The following MARCO variants were observed in gnomAD, a reference collection of about 807,000 sequenced individuals.
MARCO encodes macrophage receptor MARCO.
Under a neutral mutation model 70.0 loss-of-function variants are expected in MARCO, and 72 were observed. The observed-to-expected ratio is 1.03, with a 90% CI of 0.85 to 1.25. The LOEUF is 1.25. MARCO is among the 50% of genes most tolerant of loss of function. MARCO has a pLI of 0.00. For missense variants in MARCO, 696 were observed against 659.3 expected, an observed-to-expected ratio of 1.06 and a Z score of -0.61; for synonymous variants, 273 against 243.1, an observed-to-expected ratio of 1.12 and a Z score of -1.14.
chr2:118,977,592 C>A (rs1680309826), intron 7 of MARCO, 77 bp downstream of exon 7: 1 of 1,210,722 alleles, frequency 8.3e-7, no homozygotes, highest in South Asian at 1.2e-5. Context: ...CACCCCCCAT[C>A]CTCTTTCCAC....
intron 1 of MARCO, among the ~76,000 whole-genome samples, chr2:118,959,460 C>T (rs1679900816): frequency 6.6e-6 from 1 of 151,804 alleles, no homozygotes; most frequent in Non-Finnish European, 1.5e-5. Flanking sequence ...CAAGAATGGC[C>T]ATAATAAAAA....
intron 16 of MARCO, among the ~76,000 whole-genome samples, 161 bp from the exon 17 acceptor site, chr2:118,994,226 C>T (rs1362525293): frequency 1.3e-5 from 2 of 151,900 alleles, no homozygotes; most frequent in Non-Finnish European, 2.9e-5. Flanking sequence ...ACAACAAAAA[C>T]AGGCTAAGCC....
At chr2:118,978,691 G>T (rs1430937846) in intron 8 of MARCO, among the ~76,000 whole-genome samples, 2 of 152,106 alleles carry the variant, frequency 1.3e-5, no homozygotes, top group East Asian at 1.9e-4. Flanking sequence ...AGAAAAGAAT[G>T]GTAATTAAGT....
chr2:118,953,732 A>G (rs1679772960), intron 1 of MARCO, among the ~76,000 whole-genome samples: 1 of 152,190 alleles, frequency 6.6e-6, no homozygotes, highest in African/African-American at 2.4e-5. Context: ...CACCCCAAAT[A>G]CTGCGAGTGC....
intron 12 of MARCO, among the ~76,000 whole-genome samples, chr2:118,986,635 A>AAGAAAGAAAGAAAGAAAGAAAGAGAAAAG (rs1680496717): frequency 2.5e-5 from 1 of 40,524 alleles, no homozygotes; most frequent in Non-Finnish European, 4.3e-5. Context: ...GAAAGAAAGA[A>AAGAAAGAAAGAAAGAAAGAAAGAGAAAAG]AGAAAGAAAG....
chr2:118,979,621 G>A (rs1165980103), intron 8 of MARCO, among the ~76,000 whole-genome samples: 2 of 152,178 alleles, frequency 1.3e-5, no homozygotes, highest in Non-Finnish European at 2.9e-5. Flanking sequence ...TGTCACAAAG[G>A]CACGCATAGA....
intron 1 of MARCO, among the ~76,000 whole-genome samples, chr2:118,963,445 A>T (rs1679986235): frequency 1.3e-5 from 2 of 152,088 alleles, no homozygotes; most frequent in South Asian, 4.1e-4. Flanking sequence ...ATTATTGGCA[A>T]ATAAGGTATT....
intron 8 of MARCO, 60 bp downstream of exon 8, chr2:118,977,995 A>G (rs1680319578): frequency 8.8e-7 from 1 of 1,140,394 alleles, no homozygotes; most frequent in Non-Finnish European, 1.3e-6. Flanking sequence ...CTAGGGCCTG[A>G]CCTCTGTGCC....
chr2:118,942,818 C>T (rs1478883758), intron 1 of MARCO, among the ~76,000 whole-genome samples: 1 of 152,034 alleles, frequency 6.6e-6, no homozygotes, highest in Non-Finnish European at 1.5e-5. Flanking sequence ...CTTTAAAATT[C>T]TTTAAGGGGA....
At chr2:118,964,291 T>C (rs1039691720) in intron 1 of MARCO, among the ~76,000 whole-genome samples, 12 of 152,254 alleles carry the variant, frequency 7.9e-5, no homozygotes, top group Non-Finnish European at 1.6e-4. Flanking sequence ...TGCTGTAGTA[T>C]ATATCCCTAT....
intron 4 of MARCO, among the ~76,000 whole-genome samples, chr2:118,972,370 G>C (rs1040381007): frequency 6.6e-6 from 1 of 152,144 alleles, no homozygotes; most frequent in Admixed American, 6.5e-5. Context: ...ATATTTCAAG[G>C]ATGGCCCAGA....
chr2:118,955,233 G>A (rs1679812647), intron 1 of MARCO, among the ~76,000 whole-genome samples: 1 of 151,552 alleles, frequency 6.6e-6, no homozygotes, highest in South Asian at 2.1e-4. Flanking sequence ...AAATACTCAA[G>A]AAAATAGATA....
chr2:118,994,245 G>A, intron 16 of MARCO, 142 bp from the exon 17 acceptor site: 1 of 837,228 alleles, frequency 1.2e-6, no homozygotes. Context: ...CCAGCCATCA[G>A]CACATTGGGC....
At chr2:118,954,669 C>A (rs1679794799) in intron 1 of MARCO, among the ~76,000 whole-genome samples, 1 of 152,196 alleles carries the variant, frequency 6.6e-6, no homozygotes, top group South Asian at 2.1e-4. Flanking sequence ...GTCCACTGCA[C>A]CCTCTGCTGC....
rs142628796 is a variant in MARCO, at chr2:118,953,774, C to T, written c.97+11377C>T. Among the ~76,000 whole-genome samples, 988 of 152,288 alleles carry T rather than the reference C, an allele frequency of 6.5e-3. 5 individuals are homozygous for T. Among genetic ancestry groups the T allele is most frequent in the Non-Finnish European group, 9.1e-3 (620 of 68,014 alleles). On this transcript the variant is annotated intron_variant, in intron 1 of 16. Coordinates refer to ENST00000327097, the MANE Select transcript of MARCO (RefSeq NM_006770.4). ...CGTGTAAGTGGAAAAGGGAGACCCT[C>T]GTCTCCTGAACACACACCCTCACTG... is the stretch of plus-strand genomic sequence containing the variant.
intron 15 of MARCO, 60 bp downstream of exon 15, chr2:118,992,536 TTG>T: frequency 1.4e-6 from 2 of 1,400,284 alleles, no homozygotes; most frequent in Non-Finnish European, 2.0e-6. Context: ...CACCTGAAAA[TTG>T]TGTGTGTTGG....
chr2:118,993,903 G>A (rs957790044), intron 16 of MARCO, among the ~76,000 whole-genome samples: 1 of 152,156 alleles, frequency 6.6e-6, no homozygotes. Context: ...CTTTTCTCTG[G>A]CTATAGGATC....
At position 118,994,530 on chromosome 2, in the gene MARCO, C is replaced by G. The variant is rs111933917; in HGVS notation, c.*10C>G. 220 of 1,567,754 alleles carry G rather than the reference C, an allele frequency of 1.4e-4. No homozygotes were observed. Among genetic ancestry groups the G allele is most frequent in the Non-Finnish European group, 1.6e-4 (185 of 1,157,556 alleles). On this transcript the variant is annotated 3_prime_UTR_variant, in exon 17 of 17. Coordinates refer to ENST00000327097, the MANE Select transcript of MARCO (RefSeq NM_006770.4). ...GGAGTGCAGCGTCTGACCCGGAAAC[C>G]CTTTCACTTCTCTGCTCCCGAGGTG...
At chr2:118,994,348 T>C (rs1680681702) in intron 16 of MARCO, 39 bp from the exon 17 acceptor site, 8 of 1,613,110 alleles carry the variant, frequency 5.0e-6, no homozygotes, top group Middle Eastern at 3.3e-4. Context: ...ACTCTAATCC[T>C]ACCCTTCTTC....
Sources: allele counts gnomAD v4.1 joint callset (sites outside exome capture counted in the v4.1 genomes callset), GRCh38; gene constraint gnomAD v4.1.1; transcripts MANE v1.5; gene names NCBI Gene and HGNC (gene_info 2026-07-23, HGNC 2026-07-21).